MTG2: variants seen among roughly 807,000 people sequenced by gnomAD.
MTG2 encodes the protein mitochondrial ribosome-associated GTPase 2.
A neutral mutation model predicts 28.6 loss-of-function variants in MTG2; 23 were observed. That is an observed-to-expected ratio of 0.80 (90% CI 0.58 to 1.14). MTG2 has a LOEUF of 1.14. Among genes scored for constraint, MTG2 ranks in the 50% most tolerant of loss-of-function variants. The pLI is 0.00. For missense variants in MTG2, 539 were observed against 552.0 expected (o/e 0.98, Z 0.24); for synonymous variants, 260 against 251.8 (o/e 1.03, Z -0.31).
chr20:62,189,751 C>T (rs994107077), intron 1 of MTG2, among the ~76,000 whole-genome samples: 8 of 150,088 alleles, frequency 5.3e-5, no homozygotes, highest in African/African-American at 1.5e-4. Flanking sequence ...CTGCAACCTC[C>T]GCCTCCCCGT....
Position 62,203,082 on chromosome 20 carries a change from AG to A in MTG2, c.*2007del, listed in dbSNP as rs2058201263. ...TTTGCATCTATTTGCTTTTTCTTTC[AG>A]GCCGCCACAAAGGATTTTGTGGAGT... is the stretch of plus-strand genomic sequence containing the variant. On this transcript the variant is annotated 3_prime_UTR_variant, in exon 7 of 7. Coordinates refer to ENST00000370823, the MANE Select transcript of MTG2 (RefSeq NM_015666.4). 1 of 152,202 alleles carries A rather than the reference AG, an allele frequency of 6.6e-6. No individual in the cohort carries two copies. The highest frequency in any genetic ancestry group is 2.4e-5 in the African/African-American group (1 of 41,454). 9.4% of individuals were successfully genotyped at this position (152,202 alleles called of 1,614,324 possible).
rs1311661414 is a variant in MTG2 at position 62,202,572 on chromosome 20, G to A, written c.*1495G>A. ...TTGAGACCATCCTGGCTAACACAGT[G>A]AAACCCCGTCTCTACTAAAAATACA... On this transcript the variant is annotated 3_prime_UTR_variant, in exon 7 of 7. Transcript: ENST00000370823. The A allele has an allele frequency of 6.6e-6, 1 of 152,364 alleles. No homozygotes were observed. Among genetic ancestry groups the A allele is most frequent in the Admixed American group, 6.5e-5 (1 of 15,272 alleles). 9.4% of individuals were successfully genotyped at this position (152,364 alleles called of 1,614,324 possible).
Position 62,197,906 on chromosome 20 carries a change from G to T in MTG2, c.407G>T (p.Ser136Ile), listed in dbSNP as rs1435135350. 4 of 1,614,236 alleles carry T rather than the reference G, an allele frequency of 2.5e-6. No homozygotes were observed. The African/African-American group carries it at 5.3e-5, about 22-fold the overall frequency. Residue 136 changes from serine (S) to isoleucine (I), a missense_variant, in exon 4 of 7, where the codon AGT (serine) becomes ATT (isoleucine). Transcript: ENST00000370823. ...SSVLSRYQGFSGEDGGSKNCF... is the reference protein window; with the variant it reads ...SSVLSRYQGFIGEDGGSKNCF... ...GTCCTGTCGCGGTACCAGGGTTTCA[G>T]TGGAGAAGATGGAGGGAGTAAAAAC...
chr20:62,199,304 T>G, intron 6 of MTG2, 47 bp downstream of exon 6: 1 of 1,581,036 alleles, frequency 6.3e-7, no homozygotes, highest in Non-Finnish European at 8.6e-7. Flanking sequence ...AATGATGTAA[T>G]TCAGAAAAGT....
chr20:62,185,414 AAAAAT>A (rs1348038898), intron 1 of MTG2, among the ~76,000 whole-genome samples: 1 of 99,472 alleles, frequency 1.0e-5, no homozygotes, highest in Non-Finnish European at 2.2e-5. Flanking sequence ...TGTCTCCAAA[AAAAAT>A]AAAAATAAAA....
At chr20:62,198,500 G>A in intron 4 of MTG2, 134 bp from the exon 5 acceptor site, 1 of 896,352 alleles carries the variant, frequency 1.1e-6, no homozygotes, top group Non-Finnish European at 1.7e-6. Flanking sequence ...TGGCAGAGGT[G>A]AGTGGGGCGG....
chr20:62,199,015 T>C, intron 5 of MTG2, 104 bp from the exon 6 acceptor site: 1 of 1,569,574 alleles, frequency 6.4e-7, no homozygotes, highest in Non-Finnish European at 8.7e-7. Context: ...CCCTTGTGAC[T>C]CCCCCAGCCC....
chr20:62,189,264 C>T (rs976651252), intron 1 of MTG2, among the ~76,000 whole-genome samples: 1 of 151,416 alleles, frequency 6.6e-6, no homozygotes, highest in Non-Finnish European at 1.5e-5. Flanking sequence ...GTGATTATGT[C>T]ACTGTGCTCC....
chr20:62,187,688 T>C (rs1004987535), intron 1 of MTG2, among the ~76,000 whole-genome samples: 6 of 152,228 alleles, frequency 3.9e-5, no homozygotes, highest in African/African-American at 9.6e-5. Flanking sequence ...TGATAACCCG[T>C]TGAACATTCC....
chr20:62,193,865 T>G, intron 2 of MTG2: 1 of 525,638 alleles, frequency 1.9e-6, no homozygotes, highest in Non-Finnish European at 3.4e-6. Context: ...TGATACAGGC[T>G]GCTCATTTTC....
rs760357296 is a variant in MTG2 at position 62,195,839 on chromosome 20, G to C, written c.242G>C (p.Cys81Ser). 1.2e-6 allele frequency: 2 copies of C among 1,614,108 alleles called. No homozygotes were observed. Among genetic ancestry groups the C allele is most frequent in the East Asian group, 2.2e-5 (1 of 44,900 alleles). ...GTGGACTATCGGAGAGTGCTTGTCTGTGGAGGAAACGGAGGCGCTGGGGCA... is the reference window on the plus strand; with the variant it reads ...GTGGACTATCGGAGAGTGCTTGTCTCTGGAGGAAACGGAGGCGCTGGGGCA... ...YFVDYRRVLVCGGNGGAGASC... is the reference protein window; with the variant it reads ...YFVDYRRVLVSGGNGGAGASC... The change falls in exon 3 of 7, where the codon TGT (cysteine) becomes TCT (serine). Residue 81 changes from cysteine to serine, a missense_variant. Cys to Ser is a moderately radical substitution (Grantham distance 112). Coordinates refer to ENST00000370823, the MANE Select transcript of MTG2 (RefSeq NM_015666.4).
chr20:62,184,013 TGTGA>T (rs2057780445), intron 1 of MTG2, among the ~76,000 whole-genome samples: 1 of 152,234 alleles, frequency 6.6e-6, no homozygotes, highest in Non-Finnish European at 1.5e-5. Context: ...ACTGAACCTC[TGTGA>T]GTCTCAGCCT....
At chr20:62,191,458 G>C (rs1332889604) in intron 1 of MTG2, among the ~76,000 whole-genome samples, 1 of 152,318 alleles carries the variant, frequency 6.6e-6, no homozygotes, top group Non-Finnish European at 1.5e-5. Context: ...GATTCAGGAG[G>C]AAGTTCTTTG....
At chr20:62,186,155 T>C (rs995569212) in intron 1 of MTG2, among the ~76,000 whole-genome samples, 1 of 152,152 alleles carries the variant, frequency 6.6e-6, no homozygotes, top group African/African-American at 2.4e-5. Context: ...CAACCTGTTT[T>C]TATGCACCAC....
In MTG2 at chr20:62,199,251, A is replaced by G. The variant is rs764412046; in HGVS notation, c.820A>G (p.Ile274Val). 1.9e-6 allele frequency: 3 copies of G among 1,611,074 alleles called. No individual in the cohort carries two copies. The highest frequency in any genetic ancestry group is 1.7e-6 in the Non-Finnish European group (2 of 1,177,452). The part of the protein sequence containing the change: ...GIVHYEGHLQ[I>V]AVADIPGIIR... The stretch of plus-strand genomic sequence containing the variant: ...CGTCCACTACGAAGGCCACCTACAA[A>G]TAGCAGGTAGAACTTCCAGAATTCT... The change falls in exon 6 of 7, where the codon ATA (isoleucine) becomes GTA (valine). Residue 274 changes from isoleucine (I) to valine (V), a missense_variant. By Grantham distance (29) the Ile-to-Val change is conservative. Transcript: ENST00000370823.
chr20:62,198,379 A>C, intron 4 of MTG2: 1 of 573,420 alleles, frequency 1.7e-6, no homozygotes, highest in Non-Finnish European at 3.1e-6. Context: ...GTTCACACTA[A>C]CGTTTTAGAA....
chr20:62,188,508 A>ATTTTT (rs1192106476), intron 1 of MTG2, among the ~76,000 whole-genome samples: 5,222 of 89,484 alleles, frequency 0.058, 246 homozygotes, highest in African/African-American at 0.081. Flanking sequence ...TAATCAGCTA[A>ATTTTT]TTTTTTTTTT....
At chr20:62,192,185 G>A (rs2057973440) in intron 1 of MTG2, among the ~76,000 whole-genome samples, 1 of 152,212 alleles carries the variant, frequency 6.6e-6, no homozygotes, top group Non-Finnish European at 1.5e-5. Context: ...TGCAAGTAGT[G>A]GGTCCCTGGG....
At chr20:62,185,042 G>A (rs1255513618) in intron 1 of MTG2, among the ~76,000 whole-genome samples, 4 of 151,608 alleles carry the variant, frequency 2.6e-5, no homozygotes, top group East Asian at 1.9e-4. Context: ...CCCATGAGGC[G>A]GAGGTTACAG....
Sources: gnomAD v4.1 joint callset for allele counts (sites outside exome capture counted in the v4.1 genomes callset) on GRCh38, gnomAD v4.1.1 for gene constraint, MANE v1.5 for transcripts, NCBI Gene and HGNC (gene_info 2026-07-23, HGNC 2026-07-21) for gene names.